Variants in FRAS1 observed in about 807,000 individuals in gnomAD.
The protein encoded by FRAS1 is Fraser extracellular matrix complex subunit 1.
Under a neutral mutation model 435.2 loss-of-function variants are expected in FRAS1, and 290 were observed. The observed-to-expected ratio is 0.67, with a 90% confidence interval of 0.61 to 0.73. The LOEUF (loss-of-function observed/expected upper bound fraction) is 0.73. Among genes scored for constraint, FRAS1 ranks in the 30% least tolerant of loss-of-function variants. FRAS1 has a pLI of 0.00. For missense variants in FRAS1, 4,860 were observed against 5,001.5 expected, an observed-to-expected ratio of 0.97 and a Z score of 0.85; for synonymous variants, 1,800 against 1,851.0, an observed-to-expected ratio of 0.97 and a Z score of 0.71.
chr4:78,060,041 A>G (rs890918694), intron 1 of FRAS1, among the ~76,000 whole-genome samples: 17 of 152,314 alleles, frequency 1.1e-4, no homozygotes, highest in African/African-American at 3.8e-4. Flanking sequence ...GTTTCCACCC[A>G]CGTCATAATG....
In FRAS1 at chr4:78,522,721, G is replaced by A; in HGVS notation, c.10721G>A (p.Gly3574Glu). ...SFVLTPDHLG[G>E]IEFDLQLLWS... Reference sequence around the variant, plus strand: ...GTATTGACTCCAGACCACCTAGGAGGAATTGAATTTGACTTGCAGCTATTA... The same window carrying A: ...GTATTGACTCCAGACCACCTAGGAGAAATTGAATTTGACTTGCAGCTATTA... Residue 3574 changes from glycine to glutamate, a missense_variant, in exon 69 of 74, where the codon GGA (glycine) becomes GAA (glutamate). Coordinates refer to ENST00000512123, the MANE Select transcript of FRAS1 (RefSeq NM_025074.7). The A allele has an allele frequency of 6.2e-7, 1 of 1,611,976 alleles. No individual in the cohort carries two copies. The highest frequency in any genetic ancestry group is 8.5e-7 in the Non-Finnish European group (1 of 1,178,964).
At chr4:78,347,091 CT>C (rs1730631113) in intron 20 of FRAS1, among the ~76,000 whole-genome samples, 1 of 152,170 alleles carries the variant, frequency 6.6e-6, no homozygotes, top group East Asian at 1.9e-4. Context: ...AAAGAAAACC[CT>C]TCATCTTCAT....
chr4:78,463,280 T>C (rs1260172565), intron 47 of FRAS1, among the ~76,000 whole-genome samples: 3 of 152,212 alleles, frequency 2.0e-5, no homozygotes, highest in Non-Finnish European at 4.4e-5. Flanking sequence ...TCAAATTTTT[T>C]GTTTTAAAAA....
intron 63 of FRAS1, 95 bp from the exon 64 acceptor site, chr4:78,511,179 G>A: frequency 2.0e-6 from 2 of 992,546 alleles, no homozygotes; most frequent in Non-Finnish European, 3.0e-6. Flanking sequence ...TGGATGGGTG[G>A]ATGGATGATC....
intron 19 of FRAS1, 137 bp from the exon 20 acceptor site, chr4:78,337,537 C>A (rs1730217385): frequency 9.8e-7 from 1 of 1,023,634 alleles, no homozygotes; most frequent in Non-Finnish European, 1.5e-6. Context: ...AGGGTGTGCC[C>A]GGCTTGCTCA....
intron 2 of FRAS1, among the ~76,000 whole-genome samples, chr4:78,092,496 A>G (rs1741584205): frequency 6.6e-6 from 1 of 152,194 alleles, no homozygotes; most frequent in South Asian, 2.1e-4. Flanking sequence ...TTTAAAACCA[A>G]CAGCTCTCAT....
intron 24 of FRAS1, 85 bp from the exon 25 acceptor site, chr4:78,374,026 G>A (rs1731615859): frequency 7.4e-7 from 1 of 1,345,492 alleles, no homozygotes; most frequent in Non-Finnish European, 1.0e-6. Context: ...TACTGCTGCT[G>A]GACATCTCAT....
At position 78,375,752 on chromosome 4, in the gene FRAS1, G is replaced by T; in HGVS notation, c.3165G>T (p.Gly1055=). Reference sequence around the variant, plus strand: ...CTTTTTTAATAGCCTGCCCTCAGGGGTGCTTGCAGTGCAGCCACAGGGACC... The same window carrying T: ...CTTTTTTAATAGCCTGCCCTCAGGGTTGCTTGCAGTGCAGCCACAGGGACC... ...AKHKCTACPQ[G]CLQCSHRDRC... is the part of the protein sequence containing the mutation. The change falls in exon 26 of 74, where the codon GGG becomes GGT. Residue 1055 remains glycine (G), a synonymous_variant. Coordinates refer to ENST00000512123, the MANE Select transcript of FRAS1 (RefSeq NM_025074.7). 6.2e-7 allele frequency: 1 copy of T among 1,600,454 alleles called. No individual in the cohort carries two copies. Among genetic ancestry groups the T allele is most frequent in the Non-Finnish European group, 8.5e-7 (1 of 1,172,926 alleles).
At chr4:78,361,812 G>A (rs1238611381) in intron 20 of FRAS1, among the ~76,000 whole-genome samples, 6 of 152,142 alleles carry the variant, frequency 3.9e-5, no homozygotes, top group Non-Finnish European at 8.8e-5. Context: ...CAAATGCTTT[G>A]AATCCTACAG....
intron 55 of FRAS1, 28 bp from the exon 56 acceptor site, chr4:78,479,346 C>T (rs367895985): frequency 4.2e-6 from 6 of 1,417,996 alleles, no homozygotes; most frequent in Non-Finnish European, 5.6e-6. Context: ...CATTCAAATG[C>T]TTTGGTTTTT....
intron 14 of FRAS1, among the ~76,000 whole-genome samples, chr4:78,297,639 A>G (rs1728197280): frequency 6.6e-6 from 1 of 152,178 alleles, no homozygotes; most frequent in South Asian, 2.1e-4. Flanking sequence ...AAAGTCAGGG[A>G]CCTTACCAAA....
intron 2 of FRAS1, among the ~76,000 whole-genome samples, chr4:78,070,025 G>A (rs28723619): frequency 0.11 from 17,374 of 151,546 alleles, 1,068 homozygotes; most frequent in Middle Eastern, 0.18. Context: ...CCTCCCTGCC[G>A]CAACTGCCAT....
At chr4:78,204,810 T>C (rs749760568) in intron 2 of FRAS1, among the ~76,000 whole-genome samples, 1 of 152,250 alleles carries the variant, frequency 6.6e-6, no homozygotes, top group Non-Finnish European at 1.5e-5. Context: ...ATCACTACAA[T>C]GAAAGCAAAT....
chr4:78,345,435 G>A (rs1730568917), intron 20 of FRAS1, among the ~76,000 whole-genome samples: 2 of 151,930 alleles, frequency 1.3e-5, no homozygotes, highest in Admixed American at 1.3e-4. Flanking sequence ...ATTATGACAA[G>A]GATCTTTCTT....
chr4:78,485,940 C>A (rs749279347), intron 58 of FRAS1, among the ~76,000 whole-genome samples: 1 of 152,174 alleles, frequency 6.6e-6, no homozygotes, highest in Non-Finnish European at 1.5e-5. Flanking sequence ...ATTCTTTTCC[C>A]ACTAGGCTGA....
intron 2 of FRAS1, among the ~76,000 whole-genome samples, chr4:78,085,915 C>T (rs1741134815): frequency 6.6e-6 from 1 of 152,124 alleles, no homozygotes; most frequent in East Asian, 1.9e-4. Flanking sequence ...CAGCTCTGCA[C>T]CAAGCGGACC....
At chr4:78,132,482 A>G (rs1719729045) in intron 2 of FRAS1, among the ~76,000 whole-genome samples, 1 of 152,252 alleles carries the variant, frequency 6.6e-6, no homozygotes, top group South Asian at 2.1e-4. Context: ...AAATGAATGC[A>G]TGAATGACAT....
intron 61 of FRAS1, among the ~76,000 whole-genome samples, chr4:78,500,432 G>A (rs993690409): frequency 6.6e-6 from 1 of 152,170 alleles, no homozygotes; most frequent in Non-Finnish European, 1.5e-5. Context: ...ATAGATCACA[G>A]CTTAAAGGTC....
rs1235907163 is a variant in FRAS1, at chr4:78,407,852, C to T, written c.4308+11C>T. ...TCCTTCCGCTTCGAGGTACCCTCTG[C>T]TTCCTGACTTTTCTGAAGTCTGATG... On this transcript the variant is annotated intron_variant, in intron 31 of 73. Transcript: ENST00000512123. 1 of 1,577,666 alleles carries T rather than the reference C, an allele frequency of 6.3e-7. No individual in the cohort carries two copies. The highest frequency in any genetic ancestry group is 8.6e-7 in the Non-Finnish European group (1 of 1,160,642).
Sources: allele counts gnomAD v4.1 joint callset (sites outside exome capture counted in the v4.1 genomes callset), GRCh38; gene constraint gnomAD v4.1.1; transcripts MANE v1.5; gene names NCBI Gene and HGNC (gene_info 2026-07-23, HGNC 2026-07-21).